Variants in PPRC1 observed in about 807,000 individuals in gnomAD.
PPRC1 encodes the protein peroxisome proliferator-activated receptor gamma coactivator-related protein 1.
In PPRC1, 23 loss-of-function variants were observed where a neutral mutation model predicts 132.5. That is an observed-to-expected ratio of 0.17 (90% confidence interval 0.12 to 0.25). PPRC1 has a LOEUF of 0.25. PPRC1 is among the 10% of genes least tolerant of loss of function. The pLI, the probability that PPRC1 is intolerant of heterozygous loss-of-function variation, is 1.00. For missense variants in PPRC1, 2,006 were observed against 2,089.1 expected, an observed-to-expected ratio of 0.96 and a Z score of 0.78; for synonymous variants, 872 against 833.5, an observed-to-expected ratio of 1.05 and a Z score of -0.80.
At chr10:102,127,411 CT>C in the PPRC1 span, among the ~76,000 whole-genome samples, 47 of 152,158 alleles carry the variant, frequency 3.1e-4, no homozygotes, top group African/African-American at 1.1e-3. Context: ...GTGATAGAGT[CT>C]TGCTCTGTCT....
At chr10:102,130,358 A>AGT (rs1564923721), upstream of PPRC1, among the ~76,000 whole-genome samples, 1 of 135,752 alleles carries the variant, frequency 7.4e-6, no homozygotes, top group East Asian at 2.6e-4. Flanking sequence ...CAGAGCTTGC[A>AGT]GTGAGCCGAG....
intron 13 of PPRC1, among the ~76,000 whole-genome samples, 197 bp from the exon 14 acceptor site, chr10:102,149,729 C>CAA (rs34550400): frequency 1.8e-5 from 2 of 110,644 alleles, no homozygotes; most frequent in Non-Finnish European, 3.9e-5. Flanking sequence ...GAGACTGTCT[C>CAA]AAAAAAAAAA....
chr10:102,140,051 C>T lies in PPRC1; in HGVS notation c.1543C>T (p.Leu515Phe). The T allele has an allele frequency of 6.2e-7, 1 of 1,614,226 alleles. No homozygotes were observed. Among genetic ancestry groups the T allele is most frequent in the East Asian group, 2.2e-5 (1 of 44,882 alleles). ...QEELQKESGP[L>F]QGKGKPRAWA... ...AGAACTTCAAAAAGAGTCTGGGCCT[C>T]TCCAGGGTAAGGGGAAGCCCCGGGC... Residue 515 changes from leucine to phenylalanine, a missense_variant, in exon 5 of 14, where the codon CTC (leucine) becomes TTC (phenylalanine). Physicochemically the swap from Leu to Phe is conservative, Grantham distance 22. Transcript: ENST00000278070.
chr10:102,121,860 G>T, the PPRC1 span, among the ~76,000 whole-genome samples: 25 of 152,264 alleles, frequency 1.6e-4, no homozygotes, highest in African/African-American at 6.0e-4. Context: ...AGTCTGCACA[G>T]CTGGCTTGAC....
In PPRC1 at chr10:102,148,518, G is replaced by A. The variant is rs770845881; in HGVS notation, c.4547G>A (p.Arg1516Gln). 7.4e-6 allele frequency: 12 copies of A among 1,613,346 alleles called. No individual in the cohort carries two copies. The highest frequency in any genetic ancestry group is 1.1e-5 in the South Asian group (1 of 91,074). Residue 1516 changes from arginine to glutamine, a missense_variant, in exon 10 of 14, where the codon CGG becomes CAG. Arg to Gln is a conservative substitution (Grantham distance 43). Around this residue, in one of 2 missense-constraint regions of PPRC1, gnomAD observed 1,914 missense variants for 1,917.2 expected, o/e 1.00. Coordinates refer to ENST00000278070, the MANE Select transcript of PPRC1 (RefSeq NM_015062.5). The surrounding 1 kb of genome is among the most constrained non-coding windows in gnomAD (Gnocchi z 4.2). ...PSPRRRSDRR[R>Q]RYSSYRSHDH... is the part of the protein sequence containing the mutation. ...CCCCGCCGGAGAAGTGACAGGAGGC[G>A]GCGGTGAGCATGTGTTCAGGGAGCG...
Position 102,140,946 on chromosome 10 carries a change from C to T in PPRC1, c.2438C>T (p.Thr813Ile), listed in dbSNP as rs1298488989. The change falls in exon 5 of 14, where the codon ACA becomes ATA. Residue 813 changes from threonine to isoleucine, a missense_variant. This residue lies in a region of PPRC1 where 1,914 missense variants were observed against 1,917.2 expected (regional missense o/e 1.00). Transcript: ENST00000278070. ...ACAGCTCTGCAGAGAAGCCCTGAAA[C>T]ACCCCTTGAGATTTGCCTTGTGCCT... ...KKTALQRSPE[T>I]PLEICLVPVG... 3 of 1,613,976 alleles carry T rather than the reference C, an allele frequency of 1.9e-6. No individual in the cohort carries two copies. Among genetic ancestry groups the T allele is most frequent in the East Asian group, 2.2e-5 (1 of 44,878 alleles).
Position 102,149,170 on chromosome 10 carries a change from CCTACTAGGGACA to C in PPRC1, c.4740-7_4744del. The C allele has an allele frequency of 6.4e-7, 1 of 1,573,052 alleles. No individual in the cohort carries two copies. Among genetic ancestry groups the C allele is most frequent in the Non-Finnish European group, 8.6e-7 (1 of 1,157,686 alleles). ...ACTCCAGCCCCTGCCTCACTCTCCT[CCTACTAGGGACA>C]ACTACGGCTTCGTCACTTATCGCTA... On this transcript the variant is annotated splice_acceptor_variant and splice_polypyrimidine_tract_variant and coding_sequence_variant and intron_variant, in exon 13 of 14. Coordinates refer to ENST00000278070, the MANE Select transcript of PPRC1 (RefSeq NM_015062.5). LOFTEE classifies it high-confidence loss of function.
intron 3 of PPRC1, 27 bp downstream of exon 3, chr10:102,138,792 T>G: frequency 6.2e-7 from 1 of 1,613,936 alleles, no homozygotes; most frequent in Non-Finnish European, 8.5e-7. Context: ...GGGAAGGGGA[T>G]TAGTACAAAG....
At chr10:102,124,096 G>A in the PPRC1 span, among the ~76,000 whole-genome samples, 3 of 150,328 alleles carry the variant, frequency 2.0e-5, no homozygotes, top group African/African-American at 7.4e-5. Context: ...ACAGAGTCTC[G>A]CTCTTGTCGC....
At position 102,141,585 on chromosome 10, in the gene PPRC1, C is replaced by T; in HGVS notation, c.3077C>T (p.Pro1026Leu). The change falls in exon 5 of 14, where the codon CCT becomes CTT. Residue 1026 changes from proline to leucine, a missense_variant. By Grantham distance (98) the Pro-to-Leu change is moderately conservative. This residue lies in a region of PPRC1 where 1,914 missense variants were observed against 1,917.2 expected (regional missense o/e 1.00). Transcript: ENST00000278070. ...TCTAGGGGCACTCCAGCTGGCCCTCCTGAAAATGTACTTCCCTTGTCGATG... is the reference window on the plus strand; with the variant it reads ...TCTAGGGGCACTCCAGCTGGCCCTCTTGAAAATGTACTTCCCTTGTCGATG... ...MESRGTPAGP[P>L]ENVLPLSMAP... The T allele has an allele frequency of 6.2e-7, 1 of 1,614,176 alleles. No individual in the cohort carries two copies. Among genetic ancestry groups the T allele is most frequent in the Non-Finnish European group, 8.5e-7 (1 of 1,180,030 alleles).
upstream of PPRC1, chr10:102,133,005 C>T (rs2068574886): frequency 8.1e-7 from 1 of 1,235,612 alleles, no homozygotes; most frequent in Non-Finnish European, 1.0e-6. Flanking sequence ...TAGTTCCTTT[C>T]CCACAATCGG....
the PPRC1 span, among the ~76,000 whole-genome samples, chr10:102,122,905 G>A: frequency 6.6e-6 from 1 of 152,208 alleles, no homozygotes; most frequent in African/African-American, 2.4e-5. Context: ...TTTGGAAGAA[G>A]GTGCTATTAC....
rs377047618 is a variant in PPRC1, at chr10:102,147,373, C to T, written c.4381C>T (p.Pro1461Ser). The stretch of plus-strand genomic sequence containing the variant: ...ATCTCGGTCCAGGTCCCTCTCCCCC[C>T]CACACAAGAGGTGGCGAAGGTGAGC... ...SRSRSRSLSP[P>S]HKRWRRSSCS... Residue 1461 changes from proline to serine, a missense_variant, in exon 9 of 14, where the codon CCA becomes TCA. Pro to Ser is a moderately conservative substitution (Grantham distance 74). Transcript: ENST00000278070. 1.2e-6 allele frequency: 2 copies of T among 1,605,856 alleles called. No individual in the cohort carries two copies. Among genetic ancestry groups the T allele is most frequent in the East Asian group, 2.2e-5 (1 of 44,826 alleles).
chr10:102,147,045 G>C lies in PPRC1; in HGVS notation c.4053G>C (p.Arg1351=). The change falls in exon 9 of 14, where the codon CGG becomes CGC. Residue 1351 remains arginine (R), a synonymous_variant. Transcript: ENST00000278070. The stretch of plus-strand genomic sequence containing the variant: ...CGCCCCCATGCATAGCTGCCTCCCG[G>C]GAGCCGCTTGATCACAGGACTAGCA... ...APPPPCIAAS[R]EPLDHRTSSE... is the part of the protein sequence containing the mutation. 1 of 1,614,138 alleles carries C rather than the reference G, an allele frequency of 6.2e-7. No individual in the cohort carries two copies.
At chr10:102,144,979 G>A in intron 7 of PPRC1, 41 bp from the exon 8 acceptor site, 1 of 1,442,350 alleles carries the variant, frequency 6.9e-7, no homozygotes, top group Non-Finnish European at 9.5e-7. Flanking sequence ...AAGATATTGA[G>A]AAGGCAATGA....
chr10:102,126,124 A>G, the PPRC1 span, among the ~76,000 whole-genome samples: 1 of 152,098 alleles, frequency 6.6e-6, no homozygotes, highest in East Asian at 1.9e-4. Flanking sequence ...GGCCTCCCAA[A>G]GTGCTGGGAT....
chr10:102,147,667 G>A (rs1386870602), intron 9 of PPRC1, among the ~76,000 whole-genome samples: 1 of 152,118 alleles, frequency 6.6e-6, no homozygotes, highest in Non-Finnish European at 1.5e-5. Flanking sequence ...TTTTGACCAT[G>A]TTGATTTTTT....
At position 102,141,897 on chromosome 10, in the gene PPRC1, C is replaced by T. The variant is rs1159882262; in HGVS notation, c.3389C>T (p.Pro1130Leu). 6.2e-7 allele frequency: 1 copy of T among 1,614,152 alleles called. No individual in the cohort carries two copies. Among genetic ancestry groups the T allele is most frequent in the East Asian group, 2.2e-5 (1 of 44,880 alleles). ...AVPTPRQSTV[P>L]KLPAVHPARL... is the part of the protein sequence containing the mutation. ...CCCACACCAAGGCAGAGCACTGTCC[C>T]CAAGCTGCCTGCTGTCCACCCAGCC... is the stretch of plus-strand genomic sequence containing the variant. Residue 1130 changes from proline (P) to leucine (L), a missense_variant, in exon 5 of 14, where the codon CCC (proline) becomes CTC (leucine). Pro to Leu is a moderately conservative substitution (Grantham distance 98). This residue lies in a region of PPRC1 where 1,914 missense variants were observed against 1,917.2 expected (regional missense o/e 1.00). Coordinates refer to ENST00000278070, the MANE Select transcript of PPRC1 (RefSeq NM_015062.5).
chr10:102,127,475 C>T, the PPRC1 span, among the ~76,000 whole-genome samples: 1 of 152,284 alleles, frequency 6.6e-6, no homozygotes, highest in East Asian at 1.9e-4. Context: ...TGCACGATCT[C>T]GGCTCACTGC....
Sources: gnomAD v4.1 joint callset for allele counts (sites outside exome capture counted in the v4.1 genomes callset) on GRCh38, gnomAD v4.1.1 for gene constraint, gnomAD v4.1.1 regional missense constraint, Gnocchi (gnomAD v3.1) non-coding constraint, MANE v1.5 for transcripts, NCBI Gene and HGNC (gene_info 2026-07-23, HGNC 2026-07-21) for gene names.